Variants in ACAD10 observed in about 807,000 individuals in gnomAD.
ACAD10 encodes the protein acyl-CoA dehydrogenase family member 10, also known as ACAD-10.
A neutral mutation model predicts 116.8 loss-of-function variants in ACAD10; 112 were observed. That is an observed-to-expected ratio of 0.96 (90% confidence interval 0.82 to 1.12). The LOEUF is 1.12. Among genes scored for constraint, ACAD10 ranks in the 50% most tolerant of loss-of-function variants. The probability of loss-of-function intolerance (pLI) is 0.00; values close to 1 mark genes in which losing one functional copy is unlikely to be tolerated. For missense variants in ACAD10, 1,259 were observed against 1,350.2 expected (o/e 0.93, Z 1.06); for synonymous variants, 486 against 510.6 (o/e 0.95, Z 0.65).
At position 111,756,358 on chromosome 12, in the gene ACAD10, G is replaced by A. The variant is rs764998042; in HGVS notation, c.3065G>A (p.Ser1022Asn). The part of the protein sequence containing the change: ...IQAFGAAGLS[S>N]DYPLAQFFTW... ...GCCTTTGGAGCAGCAGGCCTGAGCA[G>A]CGACTACCCACTGGCTCAGTTCTTC... The change falls in exon 21 of 21, where the codon AGC becomes AAC. Residue 1022 changes from serine to asparagine, a missense_variant. Physicochemically the swap from Ser to Asn is conservative, Grantham distance 46. Transcript: ENST00000313698. 6 of 1,609,516 alleles carry A rather than the reference G, an allele frequency of 3.7e-6. No individual in the cohort carries two copies. In the African/African-American group the frequency reaches 8.0e-5, roughly 21 times the overall value.
Position 111,747,129 on chromosome 12 carries a change from G to A in ACAD10, c.2337G>A (p.Trp779Ter), listed in dbSNP as rs763887326. Residue 779 changes from tryptophan to a stop codon, truncating the protein, a stop_gained, in exon 15 of 21, where the codon TGG (tryptophan) becomes TGA (stop). Transcript: ENST00000313698. LOFTEE classifies it high-confidence loss of function. ...GCACCGAAGCGCAGAAGGCTCGCTG[G>A]CTGATTCCTCTGCTGGAGGGGAAAG... is the stretch of plus-strand genomic sequence containing the variant. Reference protein sequence around the residue: ...RYGTEAQKARWLIPLLEGKAR... With the variant: ...RYGTEAQKAR 1 of 1,613,412 alleles carries A rather than the reference G, an allele frequency of 6.2e-7. No individual in the cohort carries two copies. Among genetic ancestry groups the A allele is most frequent in the South Asian group, 1.1e-5 (1 of 90,980 alleles).
At chr12:111,715,328 A>G (rs78200657) in intron 6 of ACAD10, among the ~76,000 whole-genome samples, 2,391 of 152,346 alleles carry the variant, frequency 0.016, 74 homozygotes, top group African/African-American at 0.054. Context: ...GTGGGAAATT[A>G]CATCTCATGA....
At chr12:111,723,123 G>A (rs1363229274) in intron 8 of ACAD10, among the ~76,000 whole-genome samples, 44 of 146,326 alleles carry the variant, frequency 3.0e-4, no homozygotes, top group African/African-American at 1.1e-3. Flanking sequence ...TCCCAGACGG[G>A]GCGGCTAGCC....
At chr12:111,692,201 C>T (rs1005381158) in intron 1 of ACAD10, among the ~76,000 whole-genome samples, 19 of 152,210 alleles carry the variant, frequency 1.2e-4, no homozygotes, top group African/African-American at 4.3e-4. Context: ...CTCGCAACCT[C>T]AGGTGATCCA....
At chr12:111,751,040 T>A (rs1566169907) in intron 18 of ACAD10, among the ~76,000 whole-genome samples, 3 of 152,186 alleles carry the variant, frequency 2.0e-5, no homozygotes, top group Non-Finnish European at 4.4e-5. Context: ...ATAATTGGAC[T>A]GAATGAGTCA....
chr12:111,749,414 A>C, intron 18 of ACAD10, 69 bp downstream of exon 18: 1 of 1,545,522 alleles, frequency 6.5e-7, no homozygotes, highest in South Asian at 1.2e-5. Flanking sequence ...TCGGACTTCA[A>C]TTCCTACCTG....
At position 111,756,502 on chromosome 12, in the gene ACAD10, C is replaced by G; in HGVS notation, c.*29C>G. The G allele has an allele frequency of 1.2e-6, 2 of 1,608,150 alleles. No individual in the cohort carries two copies. The highest frequency in any genetic ancestry group is 1.7e-6 in the Non-Finnish European group (2 of 1,178,872). ...CTTGGGGCTGCAGTGGCTCAATGTC[C>G]TGGCTGGTCCAGCTGTGCCCAGATC... On this transcript the variant is annotated 3_prime_UTR_variant, in exon 21 of 21. Coordinates refer to ENST00000313698, the MANE Select transcript of ACAD10 (RefSeq NM_025247.6).
intron 7 of ACAD10, among the ~76,000 whole-genome samples, chr12:111,717,514 T>A (rs1888879102): frequency 6.6e-6 from 1 of 152,036 alleles, no homozygotes; most frequent in South Asian, 2.1e-4. Context: ...CAAATGTGTA[T>A]GATAAAATTT....
intron 17 of ACAD10, chr12:111,748,938 T>G: frequency 7.0e-7 from 1 of 1,426,072 alleles, no homozygotes; most frequent in Non-Finnish European, 9.7e-7. Flanking sequence ...GGCATTATTA[T>G]GTTTTTATAA....
chr12:111,752,007 G>A (rs1283550551), intron 18 of ACAD10, among the ~76,000 whole-genome samples: 2 of 150,024 alleles, frequency 1.3e-5, no homozygotes, highest in African/African-American at 4.9e-5. Flanking sequence ...GCGGTGAGCC[G>A]AGATCGCACC....
rs140026050 is a variant in ACAD10, at chr12:111,717,897, A to G, written c.992+1935A>G. On this transcript the variant is annotated intron_variant, in intron 7 of 20. Transcript: ENST00000313698. ...ATTTAACAAAAATGTTGTTACTCAG[A>G]TATTTTATTTCATCTTGTTTTAGAT... Among the ~76,000 whole-genome samples the G allele has an allele frequency of 3.0e-3, 452 of 152,050 alleles. 3 individuals carry two copies. Among genetic ancestry groups the G allele is most frequent in the Middle Eastern group, 0.01 (3 of 294 alleles).
At chr12:111,732,635 A>G (rs928976701) in intron 10 of ACAD10, among the ~76,000 whole-genome samples, 2 of 152,242 alleles carry the variant, frequency 1.3e-5, no homozygotes, top group African/African-American at 2.4e-5. Flanking sequence ...TTTCTTTTAA[A>G]TAAAGCATGC....
chr12:111,701,147 G>A (rs1021993060), intron 2 of ACAD10, among the ~76,000 whole-genome samples: 1 of 151,960 alleles, frequency 6.6e-6, no homozygotes, highest in Admixed American at 6.6e-5. Context: ...AAACAACAAA[G>A]GTGTTTTAAT....
At chr12:111,721,849 G>C (rs1199577475) in intron 8 of ACAD10, 110 bp downstream of exon 8, 1 of 855,708 alleles carries the variant, frequency 1.2e-6, no homozygotes, top group East Asian at 2.7e-5. Flanking sequence ...GGGTAGGAGG[G>C]AAAAGAAACT....
chr12:111,753,355 G>A, intron 18 of ACAD10: 1 of 389,426 alleles, frequency 2.6e-6, no homozygotes, highest in Non-Finnish European at 5.2e-6. Flanking sequence ...GCTGCGGTCA[G>A]CAGAGGGCAC....
rs1424915681 is a variant in ACAD10 at position 111,702,427 on chromosome 12, C to A, written c.336+117C>A. On this transcript the variant is annotated intron_variant, in intron 3 of 20. Coordinates refer to ENST00000313698, the MANE Select transcript of ACAD10 (RefSeq NM_025247.6). The stretch of plus-strand genomic sequence containing the variant: ...TAAAGTGAAACCTAATAACCCATTA[C>A]ATGTTTTAAAGTTATTTCTTAGGCC... 4 of 1,394,560 alleles carry A rather than the reference C, an allele frequency of 2.9e-6. No individual in the cohort carries two copies. In the African/African-American group the frequency reaches 4.3e-5, roughly 15 times the overall value. The allele number at this position is 1,394,560 out of a possible 1,614,324, so 86.4% of individuals were successfully genotyped here.
chr12:111,729,928 A>G lies in ACAD10; in HGVS notation c.1366A>G (p.Arg456Gly), dbSNP rs141115291. The G allele has an allele frequency of 2.5e-6, 4 of 1,614,026 alleles. No individual in the cohort carries two copies. In the African/African-American group the frequency reaches 4.0e-5, roughly 16 times the overall value. Residue 456 changes from arginine (R) to glycine (G), a missense_variant, in exon 10 of 21, where the codon AGG (arginine) becomes GGG (glycine). Transcript: ENST00000313698. ...GCCCCTCCATCTTCCCCGTCAGCAG[A>G]GGACCACAGTGGTGCACGGGGACTT... ...WLPLHLPRQQ[R>G]TTVVHGDFRL...
chr12:111,736,486 C>G (rs1053776605), intron 11 of ACAD10, among the ~76,000 whole-genome samples: 1 of 152,284 alleles, frequency 6.6e-6, no homozygotes, highest in East Asian at 1.9e-4. Flanking sequence ...CCACTGTGCT[C>G]GACCTGAGAT....
In ACAD10 at chr12:111,712,264, T is replaced by G. The variant is rs149974076; in HGVS notation, c.691-234T>G. Among the ~76,000 whole-genome samples, 4 of 152,320 alleles carry G rather than the reference T, an allele frequency of 2.6e-5. No homozygotes were observed. In the East Asian group the frequency reaches 7.7e-4, roughly 29 times the overall value. Reference sequence around the variant, plus strand: ...AAATTAAATTTATGTTCAAGTGCTATGTCTTTGTGGCACCGGGGAACAAAC... The same window carrying G: ...AAATTAAATTTATGTTCAAGTGCTAGGTCTTTGTGGCACCGGGGAACAAAC... On this transcript the variant is annotated intron_variant, in intron 5 of 20. Transcript: ENST00000313698.
Sources: allele counts gnomAD v4.1 joint callset (sites outside exome capture counted in the v4.1 genomes callset), GRCh38; gene constraint gnomAD v4.1.1; transcripts MANE v1.5; gene names NCBI Gene and HGNC (gene_info 2026-07-23, HGNC 2026-07-21).